The following SOX5 variants were observed in gnomAD, a reference collection of about 807,000 sequenced individuals.
SOX5 encodes SRY-box transcription factor 5.
A neutral mutation model predicts 92.0 loss-of-function variants in SOX5; 9 were observed. The ratio of observed to expected loss-of-function variants is 0.10; its 90% CI spans 0.06 to 0.17. The LOEUF (loss-of-function observed/expected upper bound fraction) is 0.17, where lower values mean the gene tolerates loss of function less well. SOX5 is among the 10% of genes least tolerant of loss of function. The pLI, the probability that SOX5 is intolerant of heterozygous loss-of-function variation, is 1.00. For synonymous variants in SOX5, 344 were observed against 336.3 expected (o/e 1.02, Z -0.25); for missense variants, 642 against 944.5 (o/e 0.68, Z 4.20).
chr12:24,439,387 C>T (rs949356702), intron 1 of SOX5, among the ~76,000 whole-genome samples: 1 of 152,092 alleles, frequency 6.6e-6, no homozygotes, highest in Non-Finnish European at 1.5e-5. Flanking sequence ...TGAGGTATGC[C>T]TGTATAGTTA....
chr12:23,966,291 G>A lies in SOX5; in HGVS notation c.-1-70267C>T, dbSNP rs867271409. Among the ~76,000 whole-genome samples the A allele has an allele frequency of 4.1e-5, 6 of 145,782 alleles. No individual in the cohort carries two copies. In the South Asian group the frequency reaches 8.7e-4, roughly 21 times the overall value. ...TGACTTTTTCTCCTACCAGAATGAGGGAAGAAACAAGTTTGCTTGTATTTA... is the reference window on the plus strand; with the variant it reads ...TGACTTTTTCTCCTACCAGAATGAGAGAAGAAACAAGTTTGCTTGTATTTA... On this transcript the variant is annotated intron_variant, in intron 4 of 4. Coordinates refer to the SOX5 transcript ENST00000446891.
At chr12:23,979,968 G>A (rs371582959) in intron 4 of SOX5, among the ~76,000 whole-genome samples, 1 of 150,928 alleles carries the variant, frequency 6.6e-6, no homozygotes, top group Non-Finnish European at 1.5e-5. Flanking sequence ...CAGACAGATA[G>A]ATAGACAGAT....
At chr12:23,960,790 C>T (rs1214199674) in intron 4 of SOX5, among the ~76,000 whole-genome samples, 1 of 151,800 alleles carries the variant, frequency 6.6e-6, no homozygotes, top group Non-Finnish European at 1.5e-5. Context: ...TTTCCTTTTG[C>T]TTATGTGTGG....
chr12:23,867,307 C>G (rs969132927), intron 2 of SOX5, among the ~76,000 whole-genome samples: 28 of 152,076 alleles, frequency 1.8e-4, no homozygotes, highest in African/African-American at 5.1e-4. Context: ...GTCACACAAA[C>G]CTGTTGTTCT....
At chr12:23,837,321 A>ATATTTG (rs1357233102) in intron 3 of SOX5, among the ~76,000 whole-genome samples, 7 of 92,944 alleles carry the variant, frequency 7.5e-5, no homozygotes, top group African/African-American at 1.4e-4. Context: ...ATTTATATTT[A>ATATTTG]TATAATATAT....
intron 2 of SOX5, among the ~76,000 whole-genome samples, chr12:24,331,018 C>A (rs1951246271): frequency 6.6e-6 from 1 of 152,152 alleles, no homozygotes; most frequent in Non-Finnish European, 1.5e-5. Flanking sequence ...CTCCCCGGAG[C>A]TCCAGCACAG....
intron 2 of SOX5, among the ~76,000 whole-genome samples, chr12:23,876,526 C>T (rs991967415): frequency 1.3e-5 from 2 of 152,056 alleles, no homozygotes; most frequent in African/African-American, 2.4e-5. Context: ...TTACACTGTT[C>T]GTAGGAGTAT....
At chr12:24,069,078 G>A (rs1184709511) in intron 4 of SOX5, among the ~76,000 whole-genome samples, 1 of 151,640 alleles carries the variant, frequency 6.6e-6, no homozygotes, top group Non-Finnish European at 1.5e-5. Flanking sequence ...ATAATATTTT[G>A]CATTGTCAAA....
At chr12:24,555,861 T>G (rs1400652485) in intron 1 of SOX5, among the ~76,000 whole-genome samples, 1 of 152,192 alleles carries the variant, frequency 6.6e-6, no homozygotes, top group Non-Finnish European at 1.5e-5. Context: ...CATTCAGATC[T>G]CCTGTTTTGA....
intron 4 of SOX5, among the ~76,000 whole-genome samples, chr12:24,126,103 T>TC (rs1464071926): frequency 1.3e-5 from 2 of 152,030 alleles, no homozygotes; most frequent in South Asian, 2.1e-4. Context: ...TAAATCCACT[T>TC]CCCCCTCAGC....
At chr12:24,372,469 T>G (rs1157529094) in intron 1 of SOX5, among the ~76,000 whole-genome samples, 1 of 152,238 alleles carries the variant, frequency 6.6e-6, no homozygotes, top group East Asian at 1.9e-4. Context: ...GAATTCATCC[T>G]TTTTTATGGC....
At chr12:23,582,094 C>A (rs1349597848) in intron 9 of SOX5, 1 of 928,784 alleles carries the variant, frequency 1.1e-6, no homozygotes, top group African/African-American at 1.8e-5. Context: ...ATGAAATGAT[C>A]GTATTAACCT....
intron 1 of SOX5, among the ~76,000 whole-genome samples, chr12:24,497,607 T>C (rs1221670132): frequency 6.6e-6 from 1 of 152,182 alleles, no homozygotes; most frequent in African/African-American, 2.4e-5. Context: ...GGTGGGAGTG[T>C]AAATCAATTC....
chr12:23,743,728 T>C (rs1178661357), intron 4 of SOX5, among the ~76,000 whole-genome samples: 1 of 152,178 alleles, frequency 6.6e-6, no homozygotes, highest in Non-Finnish European at 1.5e-5. Context: ...CTACAGTTGG[T>C]CCTGCAAAAC....
chr12:24,284,846 T>C (rs571612060), intron 2 of SOX5, among the ~76,000 whole-genome samples: 1 of 152,340 alleles, frequency 6.6e-6, no homozygotes, highest in Non-Finnish European at 1.5e-5. Flanking sequence ...ATAATCAGGC[T>C]GAGCGTGGTG....
chr12:24,557,057 C>A (rs1953860314), intron 1 of SOX5, among the ~76,000 whole-genome samples: 1 of 152,040 alleles, frequency 6.6e-6, no homozygotes, highest in South Asian at 2.1e-4. Context: ...ATAATCCAAA[C>A]AATACCCCTA....
At chr12:24,456,515 G>A (rs1265512992) in intron 1 of SOX5, among the ~76,000 whole-genome samples, 2 of 152,166 alleles carry the variant, frequency 1.3e-5, no homozygotes, top group African/African-American at 4.8e-5. Context: ...TCTTCTGCAT[G>A]TCTACTGACT....
At chr12:24,421,507 TTTAA>T in intron 1 of SOX5, among the ~76,000 whole-genome samples, 1 of 152,318 alleles carries the variant, frequency 6.6e-6, no homozygotes, top group East Asian at 1.9e-4. Context: ...TCTTACACTG[TTTAA>T]TTAAAATATT....
chr12:23,606,691 C>T (rs573173935), intron 8 of SOX5, among the ~76,000 whole-genome samples: 18 of 151,848 alleles, frequency 1.2e-4, no homozygotes, highest in Non-Finnish European at 2.5e-4. Flanking sequence ...TATAAAAACT[C>T]TAAAATAGTT....
Sources: gnomAD v4.1 joint callset for allele counts (sites outside exome capture counted in the v4.1 genomes callset) on GRCh38, gnomAD v4.1.1 for gene constraint, MANE v1.5 for transcripts, NCBI Gene and HGNC (gene_info 2026-07-23, HGNC 2026-07-21) for gene names.